The following ENOX1 variants were observed in gnomAD, a reference collection of about 807,000 sequenced individuals.
ENOX1 encodes the protein candidate growth-related and time keeping constitutive hydroquinone (NADH) oxidase.
ENOX1 carries 42 observed loss-of-function variants against 82.5 expected under a neutral mutation model. The observed-to-expected ratio is 0.51, with a 90% CI of 0.40 to 0.66. The LOEUF (loss-of-function observed/expected upper bound fraction) is 0.66, where lower values mean the gene tolerates loss of function less well. Ranked by LOEUF, ENOX1 falls within the 30% of genes least tolerant of loss-of-function variation. ENOX1 has a pLI of 0.00. For synonymous variants in ENOX1, 271 were observed against 282.2 expected, an observed-to-expected ratio of 0.96 and a Z score of 0.40; for missense variants, 608 against 811.6, an observed-to-expected ratio of 0.75 and a Z score of 3.05.
intron 12 of ENOX1, among the ~76,000 whole-genome samples, chr13:43,293,181 C>G (rs991619367): frequency 2.0e-5 from 3 of 152,144 alleles, no homozygotes; most frequent in African/African-American, 7.2e-5. Flanking sequence ...TTACCACCCC[C>G]CTCACAGATG....
chr13:43,264,366 C>T (rs939493515), intron 14 of ENOX1, among the ~76,000 whole-genome samples: 10 of 152,154 alleles, frequency 6.6e-5, no homozygotes, highest in African/African-American at 1.9e-4. Context: ...GTAAGTTCCC[C>T]GAGGGCAGAC....
At chr13:43,679,037 A>G (rs1042297425) in intron 1 of ENOX1, among the ~76,000 whole-genome samples, 1 of 152,166 alleles carries the variant, frequency 6.6e-6, no homozygotes, top group Non-Finnish European at 1.5e-5. Context: ...AGGGAATTGA[A>G]GCTCACTCTT....
At chr13:43,315,369 G>A (rs17556490) in intron 11 of ENOX1, among the ~76,000 whole-genome samples, 15,378 of 152,198 alleles carry the variant, frequency 0.1, 930 homozygotes, top group Middle Eastern at 0.15. Context: ...GTTGTAAAGG[G>A]TAATCCGTTT....
intron 11 of ENOX1, among the ~76,000 whole-genome samples, chr13:43,310,038 C>T (rs1464490219): frequency 6.6e-6 from 1 of 151,830 alleles, no homozygotes; most frequent in African/African-American, 2.4e-5. Context: ...CCCGTCTCTA[C>T]TAAAAATACA....
intron 1 of ENOX1, among the ~76,000 whole-genome samples, chr13:43,761,584 C>T (rs1950978479): frequency 6.6e-6 from 1 of 152,234 alleles, no homozygotes; most frequent in South Asian, 2.1e-4. Context: ...CAGCATGAGA[C>T]TAGATTGTTT....
intron 1 of ENOX1, among the ~76,000 whole-genome samples, chr13:43,698,060 T>A (rs2086725631): frequency 6.6e-6 from 1 of 152,114 alleles, no homozygotes; most frequent in Non-Finnish European, 1.5e-5. Flanking sequence ...AAACACTCTG[T>A]ATATCAGCAG....
Position 43,786,711 on chromosome 13 carries a change from G to C in ENOX1, c.-344C>G, listed in dbSNP as rs2153862488. 1 of 152,398 alleles carries C rather than the reference G, an allele frequency of 6.6e-6. No homozygotes were observed. Among genetic ancestry groups the C allele is most frequent in the South Asian group, 2.1e-4 (1 of 4,836 alleles). 9.4% of individuals were successfully genotyped at this position (152,398 alleles called of 1,614,324 possible). A position where few individuals can be genotyped will look rare whatever the true frequency, so the allele number is the denominator to read the frequency against. On this transcript the variant is annotated 5_prime_UTR_variant, in exon 1 of 17. Transcript: ENST00000690772. The surrounding 1 kb of genome is among the most constrained non-coding windows in gnomAD (Gnocchi z 6.0). The stretch of plus-strand genomic sequence containing the variant: ...CTGCGCGGAGTGGGGCGCCGGGCGC[G>C]GCGCGGCTCCTCCTAGCCTCGGCGT...
chr13:43,545,500 C>T (rs1203903105), intron 2 of ENOX1: 1 of 152,222 alleles, frequency 6.6e-6, no homozygotes, highest in Non-Finnish European at 1.5e-5. Context: ...GGACCGGGCT[C>T]CTGGGAATGG....
intron 14 of ENOX1, among the ~76,000 whole-genome samples, chr13:43,250,486 G>C (rs902638024): frequency 5.3e-5 from 8 of 152,184 alleles, no homozygotes; most frequent in Non-Finnish European, 1.2e-4. Context: ...CTAGTTATGG[G>C]TCCACTGACT....
intron 12 of ENOX1, among the ~76,000 whole-genome samples, chr13:43,272,960 C>A (rs1333180278): frequency 6.6e-6 from 1 of 152,154 alleles, no homozygotes; most frequent in South Asian, 2.1e-4. Context: ...AGCTAGTATT[C>A]CAGGTTCTTT....
intron 2 of ENOX1, among the ~76,000 whole-genome samples, chr13:43,601,559 G>A (rs2081723560): frequency 6.6e-6 from 1 of 152,028 alleles, no homozygotes; most frequent in Non-Finnish European, 1.5e-5. Flanking sequence ...AGCCTCAAAA[G>A]CCAAAAGCAC....
At chr13:43,599,077 A>G (rs1375052410) in intron 2 of ENOX1, among the ~76,000 whole-genome samples, 1 of 152,146 alleles carries the variant, frequency 6.6e-6, no homozygotes, top group Non-Finnish European at 1.5e-5. Flanking sequence ...GTCTGTGATT[A>G]AGATAACAAT....
intron 9 of ENOX1, among the ~76,000 whole-genome samples, chr13:43,338,970 C>T (rs1318167488): frequency 2.0e-5 from 3 of 152,158 alleles, no homozygotes; most frequent in Non-Finnish European, 4.4e-5. Flanking sequence ...CAGGCGTGAG[C>T]CACCGTGCCC....
intron 1 of ENOX1, among the ~76,000 whole-genome samples, chr13:43,731,113 C>T (rs1566844521): frequency 6.6e-6 from 1 of 152,166 alleles, no homozygotes; most frequent in South Asian, 2.1e-4. Context: ...TAATGACAAG[C>T]ACAGACCCAC....
intron 2 of ENOX1, among the ~76,000 whole-genome samples, chr13:43,599,640 G>A (rs935158683): frequency 6.6e-6 from 1 of 151,802 alleles, no homozygotes; most frequent in Admixed American, 6.6e-5. Flanking sequence ...TGCTTTGTTG[G>A]GCCAAAAGTC....
chr13:43,345,693 G>T (rs1210220272), intron 8 of ENOX1, among the ~76,000 whole-genome samples: 1 of 152,162 alleles, frequency 6.6e-6, no homozygotes. Flanking sequence ...ACTGCTGAAG[G>T]CTCATTGCCT....
chr13:43,338,273 G>A (rs143504257), intron 9 of ENOX1, among the ~76,000 whole-genome samples: 1 of 152,204 alleles, frequency 6.6e-6, no homozygotes, highest in Non-Finnish European at 1.5e-5. Flanking sequence ...GTTCATAACT[G>A]AGAAACTGAA....
chr13:43,606,469 A>C (rs2081979764), intron 2 of ENOX1, among the ~76,000 whole-genome samples: 1 of 152,220 alleles, frequency 6.6e-6, no homozygotes, highest in South Asian at 2.1e-4. Flanking sequence ...TTCAGCCATA[A>C]GAAATGAGAT....
chr13:43,449,809 G>A (rs560911483), intron 3 of ENOX1, among the ~76,000 whole-genome samples: 2 of 152,000 alleles, frequency 1.3e-5, no homozygotes, highest in Non-Finnish European at 2.9e-5. Context: ...AGAGACAAGA[G>A]GTAAATGCAA....
Sources: gnomAD v4.1 joint callset for allele counts (sites outside exome capture counted in the v4.1 genomes callset) on GRCh38, gnomAD v4.1.1 for gene constraint, Gnocchi (gnomAD v3.1) non-coding constraint, MANE v1.5 for transcripts, NCBI Gene and HGNC (gene_info 2026-07-23, HGNC 2026-07-21) for gene names.